Variants in C6orf52 observed in about 807,000 individuals in gnomAD.
C6orf52 encodes chromosome 6 open reading frame 52, also known as putative uncharacterized protein C6orf52.
Under a neutral mutation model 16.6 loss-of-function variants are expected in C6orf52, and 16 were observed. The observed-to-expected ratio is 0.96, with a 90% CI of 0.65 to 1.46. The LOEUF is 1.46. C6orf52 is among the 40% of genes most tolerant of loss of function. The pLI is 0.00. For synonymous variants in C6orf52, 53 were observed against 61.4 expected (o/e 0.86, Z 0.64); for missense variants, 166 against 182.3 (o/e 0.91, Z 0.52).
intron 4 of C6orf52, among the ~76,000 whole-genome samples, chr6:10,673,389 C>T (rs1036857127): frequency 6.6e-5 from 10 of 152,244 alleles, no homozygotes. Flanking sequence ...TATATCATCC[C>T]TAAACCTGTG....
chr6:10,694,236 GGCAAAA>G (rs376891509), intron 1 of C6orf52, among the ~76,000 whole-genome samples: 282 of 142,560 alleles, frequency 2.0e-3, no homozygotes, highest in Non-Finnish European at 2.8e-3. Context: ...CTCCAGCCTG[GGCAAAA>G]AGAGCGAAAC....
At chr6:10,694,260 C>CAAAAAAAAAAAA (rs57435593) in intron 1 of C6orf52, among the ~76,000 whole-genome samples, 16 of 62,474 alleles carry the variant, frequency 2.6e-4, no homozygotes, top group African/African-American at 7.7e-4. Context: ...AACTCCGTCT[C>CAAAAAAAAAAAA]AAAAAAAAAA....
intron 3 of C6orf52, among the ~76,000 whole-genome samples, chr6:10,685,741 G>C (rs1299703060): frequency 6.6e-6 from 1 of 152,122 alleles, no homozygotes; most frequent in Non-Finnish European, 1.5e-5. Context: ...CATTTCAAGA[G>C]GTATTTGCCC....
intron 1 of C6orf52, among the ~76,000 whole-genome samples, chr6:10,689,903 A>G (rs1283542708): frequency 6.6e-6 from 1 of 152,220 alleles, no homozygotes; most frequent in Non-Finnish European, 1.5e-5. Flanking sequence ...GTAAAACACA[A>G]TTCCTAACTA....
Position 10,691,223 on chromosome 6 carries a change from C to T in C6orf52, c.-12+3271G>A, listed in dbSNP as rs143877335. ...ACTTAAATTGTAGCAGGACAAGCCG[C>T]AGACAAAACCCCTCAGCCAGCGAGT... On this transcript the variant is annotated intron_variant, in intron 1 of 4. Transcript: ENST00000259983. Among the ~76,000 whole-genome samples, 602 of 152,304 alleles carry T rather than the reference C, an allele frequency of 4.0e-3. 6 individuals are homozygous for T. Among genetic ancestry groups the T allele is most frequent in the African/African-American group, 0.013 (559 of 41,544 alleles).
intron 4 of C6orf52, among the ~76,000 whole-genome samples, chr6:10,677,577 G>A (rs575078141): frequency 6.6e-6 from 1 of 151,208 alleles, no homozygotes; most frequent in Admixed American, 6.6e-5. Flanking sequence ...TGTCACCCAG[G>A]CTGGAGTGCA....
chr6:10,679,992 C>T (rs2127464165), intron 4 of C6orf52, among the ~76,000 whole-genome samples: 1 of 152,350 alleles, frequency 6.6e-6, no homozygotes, highest in South Asian at 2.1e-4. Flanking sequence ...GTTGCTCATG[C>T]CCGTAATCCC....
intron 4 of C6orf52, among the ~76,000 whole-genome samples, chr6:10,682,777 C>A (rs1768512326): frequency 6.6e-6 from 1 of 152,180 alleles, no homozygotes; most frequent in African/African-American, 2.4e-5. Context: ...GGAAGCACCA[C>A]CAGACTGACA....
At position 10,691,729 on chromosome 6, in the gene C6orf52, C is replaced by T. The variant is rs546046905; in HGVS notation, c.-12+2765G>A. ...GCATATAATTTCATGGGATTCAAAA[C>T]CCCTGAAATTTATCCAGGAACCCCC... On this transcript the variant is annotated intron_variant, in intron 1 of 4. Transcript: ENST00000259983. 8.5e-5 allele frequency among the ~76,000 whole-genome samples: 13 copies of T among 152,262 alleles called. No homozygotes were observed. The South Asian group carries it at 2.5e-3, about 29-fold the overall frequency.
intron 4 of C6orf52, 71 bp from the exon 5 acceptor site, chr6:10,671,669 T>G: frequency 9.4e-7 from 1 of 1,062,256 alleles, no homozygotes; most frequent in Non-Finnish European, 1.3e-6. Flanking sequence ...AGTTTAAAAT[T>G]AGAAAGCTTT....
At chr6:10,675,917 A>G (rs1396222641) in intron 4 of C6orf52, among the ~76,000 whole-genome samples, 2 of 152,182 alleles carry the variant, frequency 1.3e-5, no homozygotes, top group Admixed American at 6.5e-5. Context: ...GGATCACCTG[A>G]GGTCAGGAGT....
chr6:10,675,026 G>T (rs1303213080), intron 4 of C6orf52, among the ~76,000 whole-genome samples: 1 of 151,982 alleles, frequency 6.6e-6, no homozygotes, highest in Non-Finnish European at 1.5e-5. Context: ...GGTCAGGCTG[G>T]TCTCAAACTC....
intron 1 of C6orf52, among the ~76,000 whole-genome samples, chr6:10,690,950 C>A (rs968784093): frequency 1.3e-5 from 2 of 152,172 alleles, no homozygotes; most frequent in Non-Finnish European, 2.9e-5. Context: ...TGAAAATCCG[C>A]AATCTAAGAC....
At chr6:10,693,760 G>A (rs1769570716) in intron 1 of C6orf52, among the ~76,000 whole-genome samples, 2 of 152,200 alleles carry the variant, frequency 1.3e-5, no homozygotes, top group South Asian at 2.1e-4. Flanking sequence ...AAGGGGGCCT[G>A]GCTCGTCCCC....
intron 4 of C6orf52, among the ~76,000 whole-genome samples, chr6:10,677,581 G>C (rs1768007322): frequency 6.6e-6 from 1 of 151,262 alleles, no homozygotes; most frequent in Admixed American, 6.6e-5. Context: ...ACCCAGGCTG[G>C]AGTGCAGTGG....
intron 1 of C6orf52, 76 bp from the exon 2 acceptor site, chr6:10,687,637 C>A: frequency 1.2e-6 from 1 of 838,116 alleles, no homozygotes; most frequent in Non-Finnish European, 2.0e-6. Flanking sequence ...ACCTCTCAAT[C>A]CTGACAAATA....
chr6:10,675,404 C>T (rs191948638), intron 4 of C6orf52, among the ~76,000 whole-genome samples: 14 of 152,218 alleles, frequency 9.2e-5, no homozygotes, highest in Admixed American at 3.9e-4. Context: ...TGTGTATATA[C>T]GCATTTTCTT....
chr6:10,685,148 T>C (rs188020024), intron 3 of C6orf52, among the ~76,000 whole-genome samples: 1 of 150,718 alleles, frequency 6.6e-6, no homozygotes, highest in East Asian at 2.0e-4. Flanking sequence ...CTGAAGTTGA[T>C]AATATACTAA....
At chr6:10,680,449 A>G (rs1035236554) in intron 4 of C6orf52, among the ~76,000 whole-genome samples, 3 of 152,096 alleles carry the variant, frequency 2.0e-5, no homozygotes, top group Admixed American at 6.6e-5. Flanking sequence ...CTTTGCATCT[A>G]TGTTCATCAG....
Sources: allele counts gnomAD v4.1 joint callset (sites outside exome capture counted in the v4.1 genomes callset), GRCh38; gene constraint gnomAD v4.1.1; transcripts MANE v1.5; gene names NCBI Gene and HGNC (gene_info 2026-07-23, HGNC 2026-07-21).